LOC128462377: variants seen among roughly 807,000 people sequenced by gnomAD.
chr16:89,413,809 C>T, the LOC128462377 span, among the ~76,000 whole-genome samples: 1 of 152,126 alleles, frequency 6.6e-6, no homozygotes, highest in South Asian at 2.1e-4. Flanking sequence ...TCTGCACTCC[C>T]ACAACGCCCT....
At chr16:89,411,185 C>T in the LOC128462377 span, among the ~76,000 whole-genome samples, 21 of 152,374 alleles carry the variant, frequency 1.4e-4, no homozygotes, top group Admixed American at 5.2e-4. Flanking sequence ...GCCACGCCTC[C>T]ATGACGGTGC....
chr16:89,381,788 C>T, the LOC128462377 span, among the ~76,000 whole-genome samples: 1 of 152,170 alleles, frequency 6.6e-6, no homozygotes, highest in Non-Finnish European at 1.5e-5. Context: ...AACAAGTGTT[C>T]CCCGAGCACA....
chr16:89,372,307 G>A, the LOC128462377 span, among the ~76,000 whole-genome samples: 5 of 152,344 alleles, frequency 3.3e-5, no homozygotes, highest in Middle Eastern at 3.4e-3. Context: ...CGGAGGCGGC[G>A]GCAGCGCCCA....
At chr16:89,376,115 G>A in the LOC128462377 span, among the ~76,000 whole-genome samples, 2 of 152,174 alleles carry the variant, frequency 1.3e-5, no homozygotes, top group East Asian at 3.8e-4. Context: ...CACTGAAAAC[G>A]CAGCTTTAAA....
chr16:89,323,748 TCTCTCCTTCCTCCTC>T, the LOC128462377 span: 1 of 258,590 alleles, frequency 3.9e-6, no homozygotes, highest in Admixed American at 5.3e-5. Flanking sequence ...AGTCCAACTC[TCTCTCCTTCCTCCTC>T]AGGGCCGCAC....
the LOC128462377 span, among the ~76,000 whole-genome samples, chr16:89,356,610 A>G: frequency 6.7e-6 from 1 of 149,032 alleles, no homozygotes; most frequent in Non-Finnish European, 1.5e-5. Context: ...TCTCTACTAA[A>G]AATACAAAAA....
chr16:89,395,981 G>GA, the LOC128462377 span: 6 of 152,176 alleles, frequency 3.9e-5, no homozygotes, highest in Admixed American at 2.0e-4. Context: ...CTCTGGACAG[G>GA]AAGCACCAAT....
the LOC128462377 span, among the ~76,000 whole-genome samples, chr16:89,334,019 T>C: frequency 6.6e-6 from 1 of 151,452 alleles, no homozygotes; most frequent in Non-Finnish European, 1.5e-5. Context: ...ATCTATAAAA[T>C]ACAGAAATAA....
the LOC128462377 span, among the ~76,000 whole-genome samples, chr16:89,367,057 G>C: frequency 6.6e-6 from 1 of 152,156 alleles, no homozygotes; most frequent in Non-Finnish European, 1.5e-5. Flanking sequence ...CCTTCTGCTA[G>C]GACGACCTCT....
At chr16:89,376,846 C>G in the LOC128462377 span, among the ~76,000 whole-genome samples, 1 of 152,158 alleles carries the variant, frequency 6.6e-6, no homozygotes, top group African/African-American at 2.4e-5. Flanking sequence ...GGATAGAAGG[C>G]AAGAAGGGAT....
At chr16:89,375,778 A>G in the LOC128462377 span, among the ~76,000 whole-genome samples, 1 of 151,308 alleles carries the variant, frequency 6.6e-6, no homozygotes, top group Admixed American at 6.6e-5. Flanking sequence ...TAAAAAAAAA[A>G]AAAAAAAAAA....
At chr16:89,371,073 GA>G in the LOC128462377 span, among the ~76,000 whole-genome samples, 2 of 152,200 alleles carry the variant, frequency 1.3e-5, no homozygotes, top group Non-Finnish European at 2.9e-5. Flanking sequence ...GTTCAGGTGA[GA>G]AACGTTCAAC....
At chr16:89,337,815 C>A in the LOC128462377 span, among the ~76,000 whole-genome samples, 3 of 152,164 alleles carry the variant, frequency 2.0e-5, no homozygotes, top group African/African-American at 7.2e-5. Context: ...CCAAGTCGCA[C>A]GAGCAAGGCT....
the LOC128462377 span, among the ~76,000 whole-genome samples, chr16:89,374,406 C>G: frequency 1.3e-5 from 2 of 152,072 alleles, no homozygotes; most frequent in Non-Finnish European, 2.9e-5. Flanking sequence ...TTCTGTTCTA[C>G]ATGGGCAGAG....
chr16:89,402,877 C>G, the LOC128462377 span, among the ~76,000 whole-genome samples: 1 of 151,816 alleles, frequency 6.6e-6, no homozygotes, highest in Non-Finnish European at 1.5e-5. Context: ...CCTCCAGGCT[C>G]TCCCGGGGGA....
chr16:89,360,150 A>C, the LOC128462377 span, among the ~76,000 whole-genome samples: 1 of 152,178 alleles, frequency 6.6e-6, no homozygotes, highest in Admixed American at 6.5e-5. Flanking sequence ...AAGTCAGAAC[A>C]TGTAGTATTT....
the LOC128462377 span, among the ~76,000 whole-genome samples, chr16:89,383,581 G>A: frequency 6.6e-6 from 1 of 152,244 alleles, no homozygotes; most frequent in Non-Finnish European, 1.5e-5. Context: ...GGCCAGGAAT[G>A]GCCAAAGCCG....
At chr16:89,320,211 CCT>C in the LOC128462377 span, 1 of 152,228 alleles carries the variant, frequency 6.6e-6, no homozygotes, top group African/African-American at 2.4e-5. Flanking sequence ...TTCCGCAGCC[CCT>C]GTGCCTTCTC....
At chr16:89,383,980 G>A in the LOC128462377 span, among the ~76,000 whole-genome samples, 1 of 152,238 alleles carries the variant, frequency 6.6e-6, no homozygotes. Context: ...CTGAAACTGG[G>A]AGGCTGAGGC....
Sources: allele counts gnomAD v4.1 joint callset (sites outside exome capture counted in the v4.1 genomes callset), GRCh38; gene constraint gnomAD v4.1.1; transcripts MANE v1.5.